PDSS2: variants seen among roughly 807,000 people sequenced by gnomAD.
The protein encoded by PDSS2 is decaprenyl diphosphate synthase subunit 2, also known as all trans-polyprenyl-diphosphate synthase PDSS2.
PDSS2 carries 31 observed loss-of-function variants against 44.5 expected under a neutral mutation model. The ratio of observed to expected loss-of-function variants is 0.70; its 90% CI spans 0.52 to 0.94. The LOEUF (loss-of-function observed/expected upper bound fraction) is 0.94. PDSS2 is among the 40% of genes least tolerant of loss of function. PDSS2 has a pLI of 0.00. For missense variants in PDSS2, 452 were observed against 482.2 expected (o/e 0.94, Z 0.59); for synonymous variants, 157 against 180.3 (o/e 0.87, Z 1.03).
chr6:107,340,618 C>A (rs946299728), intron 1 of PDSS2, among the ~76,000 whole-genome samples: 3 of 152,124 alleles, frequency 2.0e-5, no homozygotes, highest in African/African-American at 7.2e-5. Flanking sequence ...ATACAAGGAA[C>A]AGATAACAAA....
At chr6:107,241,245 TAA>T (rs35226308) in intron 4 of PDSS2, among the ~76,000 whole-genome samples, 195 of 98,064 alleles carry the variant, frequency 2.0e-3, no homozygotes, top group East Asian at 0.011. Context: ...CGAGACTCGG[TAA>T]AAAAAAAAAA....
intron 4 of PDSS2, chr6:107,229,988 C>G (rs1260730169): frequency 9.3e-6 from 2 of 214,030 alleles, no homozygotes; most frequent in Non-Finnish European, 2.0e-5. Flanking sequence ...ATGTACGACT[C>G]GCTGGATTAT....
chr6:107,276,063 G>T (rs1227458406), intron 2 of PDSS2, among the ~76,000 whole-genome samples: 2 of 131,606 alleles, frequency 1.5e-5, no homozygotes, highest in African/African-American at 5.7e-5. Context: ...AAGTTATAGT[G>T]AACTGACTGC....
rs142617068 is a variant in PDSS2 at position 107,274,171 on chromosome 6, C to A, written c.488G>T (p.Arg163Leu). Residue 163 changes from arginine (R) to leucine (L), a missense_variant, in exon 3 of 8, where the codon CGT (arginine) becomes CTT (leucine). Physicochemically the swap from Arg to Leu is moderately radical, Grantham distance 102. Coordinates refer to ENST00000369037, the MANE Select transcript of PDSS2 (RefSeq NM_020381.4). ...CAACTCATTTAAATTTACTATCCCACGATGTACAAGGAGAGCAATATGAAT... is the reference window on the plus strand; with the variant it reads ...CAACTCATTTAAATTTACTATCCCAAGATGTACAAGGAGAGCAATATGAAT... ...ELIHIALLVH[R>L]GIVNLNELQS... 1 of 1,613,904 alleles carries A rather than the reference C, an allele frequency of 6.2e-7. No homozygotes were observed. The highest frequency in any genetic ancestry group is 1.7e-5 in the Admixed American group (1 of 60,016).
chr6:107,403,100 G>A (rs1186363785), intron 1 of PDSS2, among the ~76,000 whole-genome samples: 1 of 152,196 alleles, frequency 6.6e-6, no homozygotes, highest in Non-Finnish European at 1.5e-5. Flanking sequence ...AAAGTCAAAA[G>A]CAAGTTGGTT....
At chr6:107,173,434 CGTG>C (rs1438618570) in intron 7 of PDSS2, among the ~76,000 whole-genome samples, 3 of 150,058 alleles carry the variant, frequency 2.0e-5, no homozygotes, top group African/African-American at 7.4e-5. Context: ...ATTAGTTGGG[CGTG>C]GTGGTGCACA....
At chr6:107,276,015 G>A (rs1775767422) in intron 2 of PDSS2, among the ~76,000 whole-genome samples, 1 of 151,132 alleles carries the variant, frequency 6.6e-6, no homozygotes, top group Admixed American at 6.6e-5. Context: ...AGTTACTTGG[G>A]AGGCTGAGGT....
chr6:107,206,850 C>CT (rs772191650), intron 6 of PDSS2, among the ~76,000 whole-genome samples: 2 of 152,132 alleles, frequency 1.3e-5, no homozygotes, highest in Non-Finnish European at 2.9e-5. Context: ...CAACTTAACT[C>CT]TAACAAAACC....
intron 7 of PDSS2, among the ~76,000 whole-genome samples, chr6:107,166,805 C>G (rs1582724316): frequency 6.6e-6 from 1 of 152,192 alleles, no homozygotes; most frequent in Non-Finnish European, 1.5e-5. Context: ...GTTGAACCAG[C>G]CTTGCATCCC....
Position 107,458,412 on chromosome 6 carries a change from C to CAAAAAAAAA in PDSS2, c.296+569_296+577dup, listed in dbSNP as rs60758453. 4.7e-3 allele frequency among the ~76,000 whole-genome samples: 368 copies of CAAAAAAAAA among 78,062 alleles called. 54 individuals are homozygous for CAAAAAAAAA. Among genetic ancestry groups the CAAAAAAAAA allele is most frequent in the African/African-American group, 0.018 (282 of 15,574 alleles). The allele number at this position is 78,062 out of a possible 152,430, so 51.2% of individuals were successfully genotyped here. On this transcript the variant is annotated intron_variant, in intron 1 of 7. Coordinates refer to ENST00000369037, the MANE Select transcript of PDSS2 (RefSeq NM_020381.4). ...TGGGCGACAAAGCGAGACTCCGTCT[C>CAAAAAAAAA]AAAAAAAAAAAAAAAAAAAACTTTT...
In PDSS2 at chr6:107,455,920, G is replaced by A. The variant is rs560269007; in HGVS notation, c.296+3070C>T. Among the ~76,000 whole-genome samples the A allele has an allele frequency of 1.8e-4, 28 of 151,948 alleles. No individual in the cohort carries two copies. The East Asian group carries it at 5.0e-3, about 27-fold the overall frequency. On this transcript the variant is annotated intron_variant, in intron 1 of 7. Transcript: ENST00000369037. ...AAACATGTGCACATCCAACAATTAC[G>A]CTCTTGTTTTTATATCCTCGTGACA...
chr6:107,428,954 T>C (rs140036163), intron 1 of PDSS2, among the ~76,000 whole-genome samples: 1,646 of 152,318 alleles, frequency 0.011, 100 homozygotes, highest in Admixed American at 0.095. Context: ...GCAGCAACTA[T>C]AACTGAAGCA....
chr6:107,277,974 A>G (rs1353080553), intron 2 of PDSS2, among the ~76,000 whole-genome samples: 14 of 151,394 alleles, frequency 9.2e-5, no homozygotes, highest in African/African-American at 3.4e-4. Flanking sequence ...ATAAATGAAT[A>G]AATAAAATAA....
At chr6:107,458,223 C>T (rs1457961856) in intron 1 of PDSS2, among the ~76,000 whole-genome samples, 2 of 150,962 alleles carry the variant, frequency 1.3e-5, no homozygotes, top group African/African-American at 4.9e-5. Flanking sequence ...CGGTGGCTCA[C>T]GCCTGTAATC....
chr6:107,274,195 A>G lies in PDSS2; in HGVS notation c.464T>C (p.Ile155Thr), dbSNP rs150586626. 6.2e-7 allele frequency: 1 copy of G among 1,614,006 alleles called. No homozygotes were observed. The highest frequency in any genetic ancestry group is 8.5e-7 in the Non-Finnish European group (1 of 1,179,830). The change falls in exon 3 of 8, where the codon ATT becomes ACT. Residue 155 changes from isoleucine (I) to threonine (T), a missense_variant. Ile to Thr is a moderately conservative substitution (Grantham distance 89). Transcript: ENST00000369037. ...ACGATGTACAAGGAGAGCAATATGA[A>G]TTAGCTCCGTGATCTCTGCCAAACT... ...QRSLAEITEL[I>T]HIALLVHRGI...
At chr6:107,263,468 T>C (rs892018386) in intron 3 of PDSS2, among the ~76,000 whole-genome samples, 1 of 152,020 alleles carries the variant, frequency 6.6e-6, no homozygotes, top group African/African-American at 2.4e-5. Flanking sequence ...AAGGGTGTCT[T>C]TGAATGCCAG....
chr6:107,210,708 A>AAAAGAAT, intron 5 of PDSS2, 138 bp from the exon 6 acceptor site: 1 of 652,474 alleles, frequency 1.5e-6, no homozygotes, highest in East Asian at 2.9e-5. Context: ...TTTAATAAAC[A>AAAAGAAT]AAAGAATATT....
Position 107,154,636 on chromosome 6 carries a change from C to T in PDSS2, c.1183G>A (p.Val395Met), listed in dbSNP as rs781959710. The T allele has an allele frequency of 2.5e-5, 41 of 1,614,188 alleles. 1 individual carries two copies. The South Asian group carries it at 4.4e-4, about 17-fold the overall frequency. Residue 395 changes from valine to methionine, a missense_variant, in exon 8 of 8, where the codon GTG (valine) becomes ATG (methionine). Transcript: ENST00000369037. ...RSALENIVFAVTRFS is the reference protein window; with the variant it reads ...RSALENIVFAMTRFS ...ATTTGATGTCATGAAAATCTGGTCA[C>T]AGCAAACACAATGTTTTCTAAAGCA...
intron 1 of PDSS2, among the ~76,000 whole-genome samples, chr6:107,430,300 G>A (rs1039732740): frequency 6.6e-6 from 1 of 152,072 alleles, no homozygotes. Context: ...AGGAGGTCAA[G>A]ACTAGCCTGG....
Sources: allele counts gnomAD v4.1 joint callset (sites outside exome capture counted in the v4.1 genomes callset), GRCh38; gene constraint gnomAD v4.1.1; transcripts MANE v1.5; gene names NCBI Gene and HGNC (gene_info 2026-07-23, HGNC 2026-07-21).